PARD3B: variants seen among roughly 807,000 people sequenced by gnomAD.
PARD3B encodes par-3 family cell polarity regulator beta.
Under a neutral mutation model 130.2 loss-of-function variants are expected in PARD3B, and 103 were observed. That is an observed-to-expected ratio of 0.79 (90% CI 0.67 to 0.93). The LOEUF is 0.93. Ranked by LOEUF, PARD3B falls within the 40% of genes least tolerant of loss-of-function variation. The pLI, the probability that PARD3B is intolerant of heterozygous loss-of-function variation, is 0.00. For synonymous variants in PARD3B, 583 were observed against 553.2 expected (o/e 1.05, Z -0.76); for missense variants, 1,609 against 1,499.2 (o/e 1.07, Z -1.21).
intron 2 of PARD3B, among the ~76,000 whole-genome samples, chr2:204,806,252 G>A (rs2042764374): frequency 6.6e-6 from 1 of 152,050 alleles, no homozygotes; most frequent in Non-Finnish European, 1.5e-5. Context: ...CTACAGAGCT[G>A]TGGTAACCAA....
intron 10 of PARD3B, among the ~76,000 whole-genome samples, chr2:205,151,974 A>C (rs2033790394): frequency 6.6e-6 from 1 of 152,194 alleles, no homozygotes. Context: ...AAAATCTCTC[A>C]GCATTTGCTT....
At chr2:204,786,500 G>T (rs1254653698) in intron 2 of PARD3B, among the ~76,000 whole-genome samples, 1 of 151,768 alleles carries the variant, frequency 6.6e-6, no homozygotes, top group African/African-American at 2.4e-5. Context: ...AGTCCACACA[G>T]TGGCCTGAAT....
chr2:205,601,982 TC>T (rs1431125739), intron 22 of PARD3B, among the ~76,000 whole-genome samples: 1 of 152,234 alleles, frequency 6.6e-6, no homozygotes, highest in Non-Finnish European at 1.5e-5. Flanking sequence ...TTCCAGCTTT[TC>T]CCCATTCAGT....
intron 16 of PARD3B, among the ~76,000 whole-genome samples, chr2:205,261,518 A>T (rs1024038738): frequency 6.6e-6 from 1 of 152,174 alleles, no homozygotes; most frequent in Non-Finnish European, 1.5e-5. Flanking sequence ...TTTTGACAAG[A>T]CAATCCAATA....
chr2:205,205,156 G>T (rs1295629486), intron 15 of PARD3B, among the ~76,000 whole-genome samples: 1 of 152,038 alleles, frequency 6.6e-6, no homozygotes, highest in East Asian at 1.9e-4. Context: ...CCTTGAAGAG[G>T]TCCTTCACAT....
intron 2 of PARD3B, among the ~76,000 whole-genome samples, chr2:204,767,018 C>G (rs1304262416): frequency 3.8e-5 from 1 of 26,568 alleles, no homozygotes; most frequent in African/African-American, 8.8e-5. Flanking sequence ...TTTTATTATA[C>G]TCTAAGTTTT....
At chr2:204,562,580 C>T (rs2031388099) in intron 1 of PARD3B, among the ~76,000 whole-genome samples, 1 of 152,132 alleles carries the variant, frequency 6.6e-6, no homozygotes, top group Non-Finnish European at 1.5e-5. Flanking sequence ...AAGAGTTTTA[C>T]TTGTCATCTT....
chr2:205,448,073 C>T (rs943564747), intron 20 of PARD3B, among the ~76,000 whole-genome samples: 1 of 152,224 alleles, frequency 6.6e-6, no homozygotes, highest in African/African-American at 2.4e-5. Flanking sequence ...GTAGAAAACA[C>T]AGCAAATGAC....
At chr2:204,648,634 A>G (rs1392190762) in intron 1 of PARD3B, among the ~76,000 whole-genome samples, 17 of 119,416 alleles carry the variant, frequency 1.4e-4, no homozygotes, top group Admixed American at 2.2e-4. Context: ...ATTTATATAT[A>G]ATATATATTA....
chr2:204,912,004 CATGTT>C (rs2047256760), intron 2 of PARD3B, among the ~76,000 whole-genome samples: 1 of 151,696 alleles, frequency 6.6e-6, no homozygotes, highest in South Asian at 2.1e-4. Context: ...TTTAAACAAA[CATGTT>C]ATTAGCTGTA....
chr2:204,827,281 C>T (rs1305445898), intron 2 of PARD3B, among the ~76,000 whole-genome samples: 2 of 151,296 alleles, frequency 1.3e-5, no homozygotes, highest in Middle Eastern at 3.4e-3. Flanking sequence ...TTTTGCAAAT[C>T]AGTATAGTGA....
At chr2:205,201,048 A>G (rs1407110788) in intron 15 of PARD3B, among the ~76,000 whole-genome samples, 1 of 152,184 alleles carries the variant, frequency 6.6e-6, no homozygotes, top group Non-Finnish European at 1.5e-5. Flanking sequence ...TCCATATTCA[A>G]TTATGGGTAC....
At chr2:205,403,222 A>G (rs2046312384) in intron 19 of PARD3B, among the ~76,000 whole-genome samples, 1 of 152,212 alleles carries the variant, frequency 6.6e-6, no homozygotes, top group African/African-American at 2.4e-5. Flanking sequence ...ATCCTGTCAT[A>G]GGTATCATAA....
intron 1 of PARD3B, among the ~76,000 whole-genome samples, chr2:204,638,092 C>G (rs1227346997): frequency 6.6e-6 from 1 of 152,078 alleles, no homozygotes; most frequent in Non-Finnish European, 1.5e-5. Context: ...ATATTGGACT[C>G]TCAGCAATCA....
chr2:205,559,379 TAAAC>T (rs1270735054), intron 22 of PARD3B, among the ~76,000 whole-genome samples: 1 of 152,014 alleles, frequency 6.6e-6, no homozygotes, highest in African/African-American at 2.4e-5. Flanking sequence ...CTCCTGAGCT[TAAAC>T]AATCAGCTTG....
At chr2:205,433,806 T>C (rs998049624) in intron 19 of PARD3B, among the ~76,000 whole-genome samples, 29 of 152,206 alleles carry the variant, frequency 1.9e-4, no homozygotes, top group African/African-American at 6.3e-4. Context: ...ATTTTAAGAT[T>C]CATCCCTGCT....
chr2:205,396,958 C>T (rs759952163), intron 18 of PARD3B, among the ~76,000 whole-genome samples: 10 of 152,142 alleles, frequency 6.6e-5, no homozygotes, highest in African/African-American at 9.7e-5. Context: ...CCCACAAAGG[C>T]TGCTACAGAA....
chr2:204,851,016 G>T (rs2044687223), intron 2 of PARD3B, among the ~76,000 whole-genome samples: 1 of 152,078 alleles, frequency 6.6e-6, no homozygotes, highest in African/African-American at 2.4e-5. Context: ...CTTATATTTT[G>T]GCAGAAGTTT....
At chr2:204,805,322 A>T (rs1266172132) in intron 2 of PARD3B, among the ~76,000 whole-genome samples, 2 of 152,178 alleles carry the variant, frequency 1.3e-5, no homozygotes, top group African/African-American at 4.8e-5. Context: ...GAAGAAATGG[A>T]TAAATTCCTA....
Sources: allele counts gnomAD v4.1 joint callset (sites outside exome capture counted in the v4.1 genomes callset), GRCh38; gene constraint gnomAD v4.1.1; transcripts MANE v1.5; gene names NCBI Gene and HGNC (gene_info 2026-07-23, HGNC 2026-07-21).